ZFHX3: variants seen among roughly 807,000 people sequenced by gnomAD.
ZFHX3 encodes the protein zinc finger homeobox 3.
ZFHX3 carries 42 observed loss-of-function variants against 279.1 expected under a neutral mutation model. The observed-to-expected ratio is 0.15, with a 90% CI of 0.12 to 0.19. The LOEUF (loss-of-function observed/expected upper bound fraction) is 0.19. Among genes scored for constraint, ZFHX3 ranks in the 10% least tolerant of loss-of-function variants. The probability of loss-of-function intolerance (pLI) is 1.00; values close to 1 mark genes in which losing one functional copy is unlikely to be tolerated. For missense variants in ZFHX3, 4,981 were observed against 4,754.0 expected (o/e 1.05, Z -1.40); for synonymous variants, 2,293 against 1,957.8 (o/e 1.17, Z -4.52).
intron 5 of ZFHX3, among the ~76,000 whole-genome samples, chr16:73,175,041 C>G (rs1967629822): frequency 6.6e-6 from 1 of 151,254 alleles, no homozygotes; most frequent in South Asian, 2.1e-4. Flanking sequence ...ACCAACCAAC[C>G]AACCAACCAA....
At chr16:72,908,001 A>G (rs2039226512) in intron 3 of ZFHX3, among the ~76,000 whole-genome samples, 1 of 151,730 alleles carries the variant, frequency 6.6e-6, no homozygotes, top group Non-Finnish European at 1.5e-5. Context: ...TCCAAATTCT[A>G]TCCTCCTTTC....
At chr16:73,107,341 TA>T (rs35959500) in intron 7 of ZFHX3, among the ~76,000 whole-genome samples, 13 of 151,896 alleles carry the variant, frequency 8.6e-5, no homozygotes, top group Admixed American at 5.9e-4. Context: ...AAATATAAAA[TA>T]AAAAAATTGA....
chr16:73,560,508 C>A (rs2020353768), intron 2 of ZFHX3, among the ~76,000 whole-genome samples: 1 of 152,170 alleles, frequency 6.6e-6, no homozygotes, highest in South Asian at 2.1e-4. Flanking sequence ...TTATATTACC[C>A]CATCAAGTTG....
chr16:73,273,471 T>A (rs905970485), intron 4 of ZFHX3, among the ~76,000 whole-genome samples: 3 of 152,198 alleles, frequency 2.0e-5, no homozygotes, highest in African/African-American at 7.2e-5. Context: ...GTATTTTCCA[T>A]GCATATACCA....
At chr16:73,186,673 T>C (rs1967917560) in intron 5 of ZFHX3, among the ~76,000 whole-genome samples, 1 of 152,096 alleles carries the variant, frequency 6.6e-6, no homozygotes. Context: ...ATTTCGATGT[T>C]TCATCCATCC....
At chr16:73,454,577 A>T (rs1190041644) in intron 3 of ZFHX3, among the ~76,000 whole-genome samples, 2 of 151,322 alleles carry the variant, frequency 1.3e-5, no homozygotes, top group African/African-American at 4.8e-5. Flanking sequence ...AATTTCTCAA[A>T]AAAAAAAAAA....
At chr16:73,539,781 G>A (rs2019979143) in intron 2 of ZFHX3, among the ~76,000 whole-genome samples, 1 of 152,098 alleles carries the variant, frequency 6.6e-6, no homozygotes, top group Admixed American at 6.5e-5. Flanking sequence ...CCTGGTCTGG[G>A]TTTTCTTACA....
chr16:72,960,746 G>A (rs959530615), intron 1 of ZFHX3, among the ~76,000 whole-genome samples: 2 of 152,266 alleles, frequency 1.3e-5, no homozygotes, highest in African/African-American at 2.4e-5. Context: ...TGCAGCCGTC[G>A]CTTTTACTGA....
chr16:73,537,298 T>C (rs1325275402), intron 2 of ZFHX3, among the ~76,000 whole-genome samples: 1 of 148,248 alleles, frequency 6.7e-6, no homozygotes, highest in African/African-American at 2.5e-5. Flanking sequence ...AAATCTAAAG[T>C]CACTTCTTTC....
At chr16:72,960,283 A>G in intron 1 of ZFHX3, 89 bp from the exon 2 acceptor site, 1 of 1,086,290 alleles carries the variant, frequency 9.2e-7, no homozygotes, top group Non-Finnish European at 1.3e-6. Context: ...CTGAGGTCCT[A>G]CCGCACGGAG....
chr16:73,375,529 C>G (rs1236941127), intron 3 of ZFHX3, among the ~76,000 whole-genome samples: 1 of 152,150 alleles, frequency 6.6e-6, no homozygotes, highest in Admixed American at 6.5e-5. Context: ...GACACACACA[C>G]ACTCCATATA....
At chr16:73,034,617 G>C (rs529011943) in intron 1 of ZFHX3, among the ~76,000 whole-genome samples, 2 of 152,310 alleles carry the variant, frequency 1.3e-5, no homozygotes, top group Non-Finnish European at 2.9e-5. Flanking sequence ...GAGGCTCCCT[G>C]CAGCCCTGTC....
chr16:73,158,469 CTTCT>C (rs1431749961), intron 5 of ZFHX3, among the ~76,000 whole-genome samples: 1 of 151,838 alleles, frequency 6.6e-6, no homozygotes, highest in South Asian at 2.1e-4. Flanking sequence ...TCTCTTTTCT[CTTCT>C]TTCTTTTAAA....
At chr16:73,503,224 T>C (rs2019269441) in intron 2 of ZFHX3, among the ~76,000 whole-genome samples, 1 of 152,226 alleles carries the variant, frequency 6.6e-6, no homozygotes, top group Admixed American at 6.5e-5. Context: ...TAAATATCCA[T>C]ACTTAGCTGT....
intron 1 of ZFHX3, among the ~76,000 whole-genome samples, chr16:73,745,265 CATA>C (rs1465292918): frequency 6.6e-6 from 1 of 152,172 alleles, no homozygotes; most frequent in African/African-American, 2.4e-5. Context: ...GTAGTTGTTT[CATA>C]ATATGTTGAC....
intron 3 of ZFHX3, among the ~76,000 whole-genome samples, chr16:72,948,131 G>A (rs929436000): frequency 3.3e-5 from 5 of 152,128 alleles, no homozygotes; most frequent in African/African-American, 7.2e-5. Context: ...AGAGCTCCCC[G>A]CCCCCTGTGG....
In ZFHX3 at chr16:72,959,075, G is replaced by A. The variant is rs1184474197; in HGVS notation, c.1071C>T (p.Leu357=). 1.9e-6 allele frequency: 3 copies of A among 1,614,228 alleles called. No homozygotes were observed. The highest frequency in any genetic ancestry group is 1.1e-5 in the South Asian group (1 of 91,084). Residue 357 remains leucine (L), a synonymous_variant, in exon 2 of 10, where the codon CTC becomes CTT. Transcript: ENST00000268489. ...CATAAAAACTGTGTCCGGGGCCTAT[G>A]AGGTTAGCTGTGGAAACTAAAGGGT... ...FQHPLVSTAN[L]IGPGHSFYGK...
chr16:73,143,729 G>A (rs1567401208), intron 6 of ZFHX3: 1 of 1,303,448 alleles, frequency 7.7e-7, no homozygotes, highest in Non-Finnish European at 1.0e-6. Context: ...CTTTCATTGA[G>A]AAACAAGAAA....
chr16:73,788,898 G>T (rs971529397), intron 1 of ZFHX3, among the ~76,000 whole-genome samples: 3 of 151,294 alleles, frequency 2.0e-5, no homozygotes, highest in African/African-American at 7.3e-5. Context: ...CGCCCACCTT[G>T]GCCTCCCAAA....
Sources: gnomAD v4.1 joint callset for allele counts (sites outside exome capture counted in the v4.1 genomes callset) on GRCh38, gnomAD v4.1.1 for gene constraint, MANE v1.5 for transcripts, NCBI Gene and HGNC (gene_info 2026-07-23, HGNC 2026-07-21) for gene names.